The following BPIFC variants were observed in gnomAD, a reference collection of about 807,000 sequenced individuals.
BPIFC encodes the protein BPI fold containing family C.
BPIFC carries 60 observed loss-of-function variants against 57.6 expected under a neutral mutation model. The observed-to-expected ratio is 1.04, with a 90% CI of 0.85 to 1.29. The LOEUF (loss-of-function observed/expected upper bound fraction) is 1.29, where lower values mean the gene tolerates loss of function less well. BPIFC is among the 50% of genes most tolerant of loss of function. The pLI is 0.00. For missense variants in BPIFC, 581 were observed against 600.5 expected (o/e 0.97, Z 0.34); for synonymous variants, 243 against 224.5 (o/e 1.08, Z -0.74).
At position 32,445,990 on chromosome 22, in the gene BPIFC, G is replaced by A. The variant is rs1339137953; in HGVS notation, c.381C>T (p.Asp127=). ...DWGFESPLFQ[D]TGGADLFLSG... is the part of the protein sequence containing the mutation. Reference sequence around the variant, plus strand: ...AGAGAAACAGATCAGCCCCTCCTGTGTCTTGGCTGTTTAAAGAAGTGCAAG... The same window carrying A: ...AGAGAAACAGATCAGCCCCTCCTGTATCTTGGCTGTTTAAAGAAGTGCAAG... The change falls in exon 6 of 17, where the codon GAC becomes GAT. Residue 127 remains aspartate, a synonymous_variant. Transcript: ENST00000300399. 1 of 1,614,014 alleles carries A rather than the reference G, an allele frequency of 6.2e-7. No individual in the cohort carries two copies. Among genetic ancestry groups the A allele is most frequent in the South Asian group, 1.1e-5 (1 of 91,080 alleles).
At chr22:32,463,810 T>C (rs1347181186) in intron 1 of BPIFC, among the ~76,000 whole-genome samples, 3 of 152,206 alleles carry the variant, frequency 2.0e-5, no homozygotes, top group African/African-American at 4.8e-5. Context: ...ACATCTCTAA[T>C]GACAAGGACC....
At chr22:32,429,509 GTTTTTT>G (rs780948561) in intron 13 of BPIFC, among the ~76,000 whole-genome samples, 2 of 56,648 alleles carry the variant, frequency 3.5e-5, no homozygotes, top group East Asian at 6.9e-4. Flanking sequence ...ACTGGCCTTT[GTTTTTT>G]TTTTTTTTTT....
chr22:32,437,479 C>T (rs1934441425), intron 9 of BPIFC, among the ~76,000 whole-genome samples: 1 of 151,906 alleles, frequency 6.6e-6, no homozygotes, highest in Non-Finnish European at 1.5e-5. Flanking sequence ...CAACCTCTGC[C>T]TTCCAGGTTC....
Position 32,419,344 on chromosome 22 carries a change from A to G in BPIFC, c.1260+18T>C. 1 of 1,609,994 alleles carries G rather than the reference A, an allele frequency of 6.2e-7. No homozygotes were observed. Among genetic ancestry groups the G allele is most frequent in the Non-Finnish European group, 8.5e-7 (1 of 1,176,770 alleles). On this transcript the variant is annotated intron_variant, in intron 14 of 16. Coordinates refer to ENST00000300399, the MANE Select transcript of BPIFC (RefSeq NM_174932.3). The stretch of plus-strand genomic sequence containing the variant: ...CGTTCTTCCAGTGCTTGGTAACCCC[A>G]AGAGCTCAGATTCCTACCTCAATGT...
chr22:32,462,026 C>T (rs990800468), intron 1 of BPIFC, among the ~76,000 whole-genome samples: 1 of 151,540 alleles, frequency 6.6e-6, no homozygotes, highest in Non-Finnish European at 1.5e-5. Flanking sequence ...AAAAATTAAC[C>T]AGGTGTGGTG....
rs765134342 is a variant in BPIFC at position 32,445,851 on chromosome 22, C to T, written c.520G>A (p.Gly174Arg). 8.2e-5 allele frequency: 132 copies of T among 1,613,860 alleles called. 1 individual carries two copies. In the Middle Eastern group the frequency reaches 9.9e-4, roughly 12 times the overall value. The change falls in exon 6 of 17, where the codon GGA (glycine) becomes AGA (arginine). Residue 174 changes from glycine to arginine, a missense_variant. Gly to Arg is a moderately radical substitution (Grantham distance 125). Coordinates refer to ENST00000300399, the MANE Select transcript of BPIFC (RefSeq NM_174932.3). ...AGGGCTCTCATTCACCTGAGTTCTC[C>T]GGAAAATGAGACGTGGGCATGGCTC... ...QLSHAHVSFS[G>R]ELSVLYNSFA...
rs1208739971 is a variant in BPIFC at position 32,431,356 on chromosome 22, G to T, written c.1208C>A (p.Ser403Tyr). The stretch of plus-strand genomic sequence containing the variant: ...AATTGATTGATCTTACCTGTTCAGA[G>T]ACAAGGAGCAGACCAGTCTTTGTCC... ...ILGQRLVCSL[S>Y]LNRFRLALPE... is the part of the protein sequence containing the mutation. Residue 403 changes from serine (S) to tyrosine (Y), a missense_variant, in exon 13 of 17, where the codon TCT becomes TAT. Physicochemically the swap from Ser to Tyr is moderately radical, Grantham distance 144. Transcript: ENST00000300399. 6.2e-7 allele frequency: 1 copy of T among 1,611,572 alleles called. No homozygotes were observed. Among genetic ancestry groups the T allele is most frequent in the Non-Finnish European group, 8.5e-7 (1 of 1,178,110 alleles).
At chr22:32,455,416 G>A (rs1935012575) in intron 3 of BPIFC, among the ~76,000 whole-genome samples, 1 of 152,184 alleles carries the variant, frequency 6.6e-6, no homozygotes, top group South Asian at 2.1e-4. Context: ...ACTAGAAAAT[G>A]TGGAGGCATA....
intron 4 of BPIFC, among the ~76,000 whole-genome samples, chr22:32,448,118 G>T (rs1256923591): frequency 3.3e-5 from 5 of 151,248 alleles, no homozygotes; most frequent in African/African-American, 9.7e-5. Context: ...ACCCAGGCTG[G>T]AGTGCAGTGG....
rs183076417 is a variant in BPIFC, at chr22:32,461,991, G to T, written c.-88-330C>A. 4.1e-3 allele frequency among the ~76,000 whole-genome samples: 617 copies of T among 151,890 alleles called. 9 individuals are homozygous for T. The highest frequency in any genetic ancestry group is 0.014 in the African/African-American group (572 of 41,490). On this transcript the variant is annotated intron_variant, in intron 1 of 16. Coordinates refer to ENST00000300399, the MANE Select transcript of BPIFC (RefSeq NM_174932.3). ...GATCAAGGCCATCCTGGCTAACATG[G>T]TGAAACTGTCTCTACTAAAAATACA...
At chr22:32,461,468 G>T (rs1935158823) in intron 2 of BPIFC, 106 bp downstream of exon 2, 1 of 525,718 alleles carries the variant, frequency 1.9e-6, no homozygotes, top group Middle Eastern at 9.4e-4. Flanking sequence ...TGATCTGAAG[G>T]TTGGAGGAAA....
intron 13 of BPIFC, among the ~76,000 whole-genome samples, chr22:32,426,753 G>C (rs903001085): frequency 2.6e-5 from 4 of 151,964 alleles, no homozygotes; most frequent in African/African-American, 9.7e-5. Flanking sequence ...TCAGCCATGT[G>C]TGGTGGCACA....
In BPIFC at chr22:32,431,210, T is replaced by C. The variant is rs1934230518; in HGVS notation, c.1217+137A>G. 4.7e-6 allele frequency: 3 copies of C among 634,546 alleles called. No homozygotes were observed. In the East Asian group the frequency reaches 1.0e-4, roughly 21 times the overall value. The allele number at this position is 634,546 out of a possible 1,614,324, so 39.3% of individuals were successfully genotyped here. A position where few individuals can be genotyped will look rare whatever the true frequency, so the allele number is the denominator to read the frequency against. On this transcript the variant is annotated intron_variant, in intron 13 of 16. Transcript: ENST00000300399. ...CTTACTGCAACCTCTGCCTCCCGGG[T>C]TCAAGCGATTCTCCTGCCTCAGCCT...
At chr22:32,443,024 C>T (rs904141757) in intron 7 of BPIFC, among the ~76,000 whole-genome samples, 3 of 152,138 alleles carry the variant, frequency 2.0e-5, no homozygotes, top group African/African-American at 7.2e-5. Context: ...ATAGGGCATG[C>T]GTCCCAGTCC....
intron 10 of BPIFC, 106 bp from the exon 11 acceptor site, chr22:32,433,878 C>A (rs1934315179): frequency 3.2e-6 from 3 of 950,622 alleles, no homozygotes; most frequent in South Asian, 2.8e-5. Context: ...AGCTGTTACA[C>A]CATAAAATAT....
intron 3 of BPIFC, 63 bp downstream of exon 3, chr22:32,457,200 A>G (rs1601486538): frequency 3.9e-6 from 6 of 1,544,796 alleles, no homozygotes; most frequent in Non-Finnish European, 5.2e-6. Context: ...TGAGCTGTTC[A>G]GTTTGGGTCA....
intron 14 of BPIFC, among the ~76,000 whole-genome samples, chr22:32,417,671 A>G (rs1347269801): frequency 6.6e-6 from 1 of 152,190 alleles, no homozygotes; most frequent in Non-Finnish European, 1.5e-5. Context: ...GGTGATAGCA[A>G]ATTCAGAGGG....
chr22:32,430,719 T>C (rs1384115032), intron 13 of BPIFC, among the ~76,000 whole-genome samples: 1 of 151,764 alleles, frequency 6.6e-6, no homozygotes, highest in Non-Finnish European at 1.5e-5. Context: ...TAGCTCACTG[T>C]AATCTCAAAC....
chr22:32,453,367 T>C lies in BPIFC; in HGVS notation c.245+16A>G, dbSNP rs374607468. The stretch of plus-strand genomic sequence containing the variant: ...GAGCTTCTTATAAGAGGCAAAATGC[T>C]CTTCTTTTTACTTACTTTGAAAAAT... On this transcript the variant is annotated intron_variant, in intron 4 of 16. Transcript: ENST00000300399. The C allele has an allele frequency of 1.9e-6, 3 of 1,557,710 alleles. No individual in the cohort carries two copies. Among genetic ancestry groups the C allele is most frequent in the South Asian group, 2.4e-5 (2 of 82,422 alleles).
Sources: allele counts gnomAD v4.1 joint callset (sites outside exome capture counted in the v4.1 genomes callset), GRCh38; gene constraint gnomAD v4.1.1; transcripts MANE v1.5; gene names NCBI Gene and HGNC (gene_info 2026-07-23, HGNC 2026-07-21).